Variants in SLC2A13 observed in about 807,000 individuals in gnomAD.
SLC2A13 encodes proton myo-inositol cotransporter.
In SLC2A13, 32 loss-of-function variants were observed where a neutral mutation model predicts 64.4. The ratio of observed to expected loss-of-function variants is 0.50; its 90% CI spans 0.37 to 0.67. The LOEUF is 0.67. Among genes scored for constraint, SLC2A13 ranks in the 30% least tolerant of loss-of-function variants. The pLI is 0.00. For synonymous variants in SLC2A13, 338 were observed against 327.1 expected, an observed-to-expected ratio of 1.03 and a Z score of -0.36; for missense variants, 743 against 829.2, an observed-to-expected ratio of 0.90 and a Z score of 1.28.
chr12:40,078,660 G>A (rs1007210391), intron 1 of SLC2A13, among the ~76,000 whole-genome samples: 7 of 152,164 alleles, frequency 4.6e-5, no homozygotes, highest in Non-Finnish European at 7.4e-5. Flanking sequence ...ATGAGTCAGA[G>A]AGGAGTCCCT....
chr12:40,052,079 A>C (rs1948267257), intron 1 of SLC2A13, among the ~76,000 whole-genome samples: 1 of 152,142 alleles, frequency 6.6e-6, no homozygotes, highest in African/African-American at 2.4e-5. Flanking sequence ...TGATGTTTTG[A>C]TGTCAGGAAA....
intron 1 of SLC2A13, among the ~76,000 whole-genome samples, chr12:40,093,446 A>G (rs1938831581): frequency 1.3e-5 from 2 of 152,228 alleles, no homozygotes. Context: ...CAATAAACAA[A>G]ACAGAAAAAT....
At chr12:40,086,732 G>C (rs951714131) in intron 1 of SLC2A13, among the ~76,000 whole-genome samples, 1 of 152,190 alleles carries the variant, frequency 6.6e-6, no homozygotes, top group African/African-American at 2.4e-5. Context: ...ATTCATAGGC[G>C]TCAGGACTAA....
intron 3 of SLC2A13, among the ~76,000 whole-genome samples, chr12:39,993,688 G>T (rs1437703587): frequency 6.6e-6 from 1 of 152,172 alleles, no homozygotes. Context: ...TGAGATACAA[G>T]CAAGACTTAT....
intron 3 of SLC2A13, among the ~76,000 whole-genome samples, chr12:39,994,118 G>C (rs1205187413): frequency 6.6e-6 from 1 of 152,036 alleles, no homozygotes; most frequent in African/African-American, 2.4e-5. Context: ...TGCCGGGCGC[G>C]GTGGCTCACG....
At chr12:39,823,169 C>T (rs532392000) in intron 7 of SLC2A13, among the ~76,000 whole-genome samples, 5 of 152,146 alleles carry the variant, frequency 3.3e-5, no homozygotes, top group African/African-American at 1.2e-4. Context: ...TAAGCAGTAA[C>T]ATAAAAAAGT....
intron 7 of SLC2A13, among the ~76,000 whole-genome samples, chr12:39,781,423 C>A (rs187887074): frequency 6.6e-6 from 1 of 152,196 alleles, no homozygotes; most frequent in Non-Finnish European, 1.5e-5. Flanking sequence ...ACCTCCTCCA[C>A]GTCACCTGCC....
chr12:39,983,062 A>T (rs1380388105), intron 3 of SLC2A13, among the ~76,000 whole-genome samples: 1 of 150,776 alleles, frequency 6.6e-6, no homozygotes, highest in East Asian at 2.0e-4. Flanking sequence ...AACCTGAGAA[A>T]AACAAGCAAT....
At chr12:39,850,963 G>A (rs546841184) in intron 6 of SLC2A13, among the ~76,000 whole-genome samples, 3 of 151,260 alleles carry the variant, frequency 2.0e-5, no homozygotes, top group South Asian at 2.1e-4. Context: ...GCAGTGGTGC[G>A]ATTTCAGCTC....
At chr12:39,802,048 A>G (rs928678282) in intron 7 of SLC2A13, among the ~76,000 whole-genome samples, 2 of 152,190 alleles carry the variant, frequency 1.3e-5, no homozygotes, top group Non-Finnish European at 2.9e-5. Context: ...TGAAAAAACT[A>G]CAAAAGTGAT....
chr12:39,988,365 T>C (rs1947065832), intron 3 of SLC2A13, among the ~76,000 whole-genome samples: 2 of 152,036 alleles, frequency 1.3e-5, no homozygotes, highest in South Asian at 2.1e-4. Context: ...TTTTAATTTA[T>C]ATTACTTTAA....
chr12:39,909,859 G>GT (rs568950500), intron 4 of SLC2A13, among the ~76,000 whole-genome samples: 2,134 of 132,246 alleles, frequency 0.016, 53 homozygotes, highest in African/African-American at 0.046. Flanking sequence ...CTTACAGTTT[G>GT]TTTTTTTTTT....
chr12:39,920,462 A>T (rs1476555077), intron 4 of SLC2A13, among the ~76,000 whole-genome samples: 1 of 152,112 alleles, frequency 6.6e-6, no homozygotes, highest in Non-Finnish European at 1.5e-5. Flanking sequence ...CAGAGGTACC[A>T]TTGTACTTTT....
intron 3 of SLC2A13, among the ~76,000 whole-genome samples, chr12:39,955,613 A>G (rs924541177): frequency 1.3e-5 from 2 of 152,162 alleles, no homozygotes; most frequent in African/African-American, 4.8e-5. Flanking sequence ...AATCCCTGAA[A>G]CCTGTATTAT....
At position 39,950,870 on chromosome 12, in the gene SLC2A13, A is replaced by G. The variant is rs1184097504; in HGVS notation, c.1034+387T>C. The G allele has an allele frequency of 1.3e-5, 3 of 224,428 alleles. No homozygotes were observed. In the East Asian group the frequency reaches 2.9e-4, roughly 22 times the overall value. The allele number at this position is 224,428 out of a possible 1,614,324, so 13.9% of individuals were successfully genotyped here. A position where few individuals can be genotyped will look rare whatever the true frequency, so the allele number is the denominator to read the frequency against. On this transcript the variant is annotated intron_variant, in intron 4 of 9. Coordinates refer to ENST00000280871, the MANE Select transcript of SLC2A13 (RefSeq NM_052885.4). ...CACTGTAGTAGACTGCACCAAAAAG[A>G]AATGAATTAGTTATCTGTGTGCCCA...
chr12:39,833,644 A>G (rs1191682038), intron 6 of SLC2A13, among the ~76,000 whole-genome samples: 2 of 152,090 alleles, frequency 1.3e-5, no homozygotes, highest in Non-Finnish European at 2.9e-5. Context: ...TATTGATACA[A>G]ATACACATTC....
chr12:39,977,378 C>A (rs1267277799), intron 3 of SLC2A13, among the ~76,000 whole-genome samples: 1 of 152,190 alleles, frequency 6.6e-6, no homozygotes, highest in Non-Finnish European at 1.5e-5. Flanking sequence ...GAATTAGCAA[C>A]TGAGTCAAAC....
intron 6 of SLC2A13, among the ~76,000 whole-genome samples, chr12:39,843,867 A>G (rs1943239400): frequency 6.6e-6 from 1 of 152,032 alleles, no homozygotes; most frequent in African/African-American, 2.4e-5. Flanking sequence ...ACTTATTTCT[A>G]TATCATCCTG....
intron 4 of SLC2A13, among the ~76,000 whole-genome samples, chr12:39,874,157 A>G (rs1481333832): frequency 6.6e-6 from 1 of 152,202 alleles, no homozygotes; most frequent in African/African-American, 2.4e-5. Flanking sequence ...TTTCCAGGGA[A>G]TTAATGTTAG....
Sources: allele counts gnomAD v4.1 joint callset (sites outside exome capture counted in the v4.1 genomes callset), GRCh38; gene constraint gnomAD v4.1.1; transcripts MANE v1.5; gene names NCBI Gene and HGNC (gene_info 2026-07-23, HGNC 2026-07-21).